Variants in ITGA1 observed in about 807,000 individuals in gnomAD.
ITGA1 encodes integrin subunit alpha 1.
A neutral mutation model predicts 145.9 loss-of-function variants in ITGA1; 85 were observed. The observed-to-expected ratio is 0.58, with a 90% CI of 0.49 to 0.70. The LOEUF is 0.70. Ranked by LOEUF, ITGA1 falls within the 30% of genes least tolerant of loss-of-function variation. ITGA1 has a pLI of 0.00. For synonymous variants in ITGA1, 520 were observed against 495.3 expected (o/e 1.05, Z -0.66); for missense variants, 1,351 against 1,418.7 (o/e 0.95, Z 0.77).
intron 1 of ITGA1, among the ~76,000 whole-genome samples, chr5:52,823,676 A>G (rs1049678479): frequency 2.0e-5 from 3 of 152,204 alleles, no homozygotes; most frequent in African/African-American, 7.2e-5. Flanking sequence ...TACTTGATCA[A>G]TGTTTAGCCT....
chr5:52,905,528 A>G (rs1029073424), intron 11 of ITGA1: 1 of 315,064 alleles, frequency 3.2e-6, no homozygotes, highest in Non-Finnish European at 5.8e-6. Flanking sequence ...ATTTTAAATA[A>G]TGAAAAACTC....
rs1046421226 is a variant in ITGA1, at chr5:52,832,331, C to G, written c.62-17034C>G. On this transcript the variant is annotated intron_variant, in intron 1 of 28. Coordinates refer to ENST00000282588, the MANE Select transcript of ITGA1 (RefSeq NM_181501.2). ...AGATGGCTCATTCAGATCTGATACTCATTCCTGGACTTGTCAGCTGTGGCC... is the reference window on the plus strand; with the variant it reads ...AGATGGCTCATTCAGATCTGATACTGATTCCTGGACTTGTCAGCTGTGGCC... Among the ~76,000 whole-genome samples the G allele has an allele frequency of 5.9e-5, 9 of 152,330 alleles. No homozygotes were observed. In the East Asian group the frequency reaches 1.5e-3, roughly 26 times the overall value.
intron 14 of ITGA1, among the ~76,000 whole-genome samples, chr5:52,914,585 G>A (rs143146504): frequency 2.2e-3 from 316 of 145,266 alleles, no homozygotes; most frequent in African/African-American, 7.3e-3. Context: ...GCAGTGAGCC[G>A]AGATAGCGTC....
chr5:52,856,847 T>C (rs547006885), intron 2 of ITGA1, among the ~76,000 whole-genome samples: 7 of 152,168 alleles, frequency 4.6e-5, no homozygotes, highest in Non-Finnish European at 1.0e-4. Flanking sequence ...ATTGAATAGG[T>C]ATTCCCCTAT....
intron 2 of ITGA1, among the ~76,000 whole-genome samples, chr5:52,857,070 C>G (rs1158092080): frequency 6.6e-6 from 1 of 152,184 alleles, no homozygotes; most frequent in Non-Finnish European, 1.5e-5. Context: ...CTTTTAAGGC[C>G]TAGCCTTAGA....
At chr5:52,883,253 A>T (rs892675619) in intron 7 of ITGA1, among the ~76,000 whole-genome samples, 2 of 152,202 alleles carry the variant, frequency 1.3e-5, no homozygotes, top group Admixed American at 1.3e-4. Context: ...GAAACCTCTG[A>T]GCCTGTAGGG....
chr5:52,899,960 GTTGA>G (rs1750288906), intron 11 of ITGA1, among the ~76,000 whole-genome samples: 1 of 152,126 alleles, frequency 6.6e-6, no homozygotes, highest in African/African-American at 2.4e-5. Context: ...CTGATTCTGG[GTTGA>G]TTAAGAAAGC....
At chr5:52,825,177 A>G (rs893024451) in intron 1 of ITGA1, 1 of 152,204 alleles carries the variant, frequency 6.6e-6, no homozygotes, top group South Asian at 2.1e-4. Flanking sequence ...TTTAAATAAT[A>G]TTTCATATAA....
At position 52,916,499 on chromosome 5, in the gene ITGA1, TAGAG is replaced by T. The variant is rs374590875; in HGVS notation, c.1988+908_1988+911del. The stretch of plus-strand genomic sequence containing the variant: ...ATAAAGTATAAAAGAAAGGTGAAGA[TAGAG>T]AGGTGAAAATAGATGACTTTGCTAT... On this transcript the variant is annotated intron_variant, in intron 15 of 28. Transcript: ENST00000282588. Among the ~76,000 whole-genome samples the T allele has an allele frequency of 2.2e-4, 34 of 152,078 alleles. 1 individual carries two copies. The South Asian group carries it at 3.5e-3, about 16-fold the overall frequency.
intron 6 of ITGA1, among the ~76,000 whole-genome samples, chr5:52,877,558 T>C (rs1003883171): frequency 2.0e-5 from 3 of 152,134 alleles, no homozygotes; most frequent in African/African-American, 7.2e-5. Context: ...GACTCAAAAG[T>C]TATTACTCCT....
At chr5:52,908,247 T>C (rs1378087227) in intron 12 of ITGA1, among the ~76,000 whole-genome samples, 1 of 152,200 alleles carries the variant, frequency 6.6e-6, no homozygotes, top group Non-Finnish European at 1.5e-5. Flanking sequence ...GCATCAAATA[T>C]TAAACATAGA....
chr5:52,869,882 T>C (rs1464963810), intron 6 of ITGA1, among the ~76,000 whole-genome samples: 1 of 152,200 alleles, frequency 6.6e-6, no homozygotes. Context: ...CATAAATAAT[T>C]CTCTAAAATG....
At chr5:52,853,400 A>T (rs1749457774) in intron 2 of ITGA1, among the ~76,000 whole-genome samples, 1 of 152,164 alleles carries the variant, frequency 6.6e-6, no homozygotes, top group African/African-American at 2.4e-5. Flanking sequence ...ATTTGGAGGA[A>T]CATGGATTTT....
Position 52,911,577 on chromosome 5 carries a change from T to TAC in ITGA1, c.1857+1159_1857+1160insCA, listed in dbSNP as rs1750535728. ...TATAGTGTATCTACTATATATACTA[T>TAC]ATATATAGTGTATCTACTATATATA... On this transcript the variant is annotated intron_variant, in intron 14 of 28. Transcript: ENST00000282588. Among the ~76,000 whole-genome samples, 12 of 33,896 alleles carry TAC rather than the reference T, an allele frequency of 3.5e-4. 1 individual carries two copies. Among genetic ancestry groups the TAC allele is most frequent in the Non-Finnish European group, 5.9e-4 (8 of 13,500 alleles). 22.2% of individuals were successfully genotyped at this position (33,896 alleles called of 152,430 possible).
intron 1 of ITGA1, among the ~76,000 whole-genome samples, chr5:52,810,288 G>C (rs1464465453): frequency 6.6e-6 from 1 of 152,226 alleles, no homozygotes. Context: ...AAGTGACAAG[G>C]AGCTAGCTGG....
intron 6 of ITGA1, among the ~76,000 whole-genome samples, chr5:52,867,542 A>G (rs16880376): frequency 0.058 from 8,774 of 152,152 alleles, 480 homozygotes; most frequent in African/African-American, 0.15. Context: ...GCATCTTAAC[A>G]GACCAACTCC....
intron 24 of ITGA1, among the ~76,000 whole-genome samples, chr5:52,938,566 T>C (rs1871185): frequency 0.77 from 116,361 of 152,052 alleles, 44,626 homozygotes; most frequent in Middle Eastern, 0.81. Flanking sequence ...AGCAGGTTTG[T>C]GAAAATCCAG....
chr5:52,802,046 C>T (rs1415335358), intron 1 of ITGA1: 3 of 490,430 alleles, frequency 6.1e-6, no homozygotes, highest in East Asian at 6.7e-5. Context: ...CCACGTACTA[C>T]CATCTTGATT....
At chr5:52,934,147 G>C (rs1466766211) in intron 23 of ITGA1, 151 bp downstream of exon 23, 4 of 225,080 alleles carry the variant, frequency 1.8e-5, no homozygotes, top group Non-Finnish European at 2.7e-5. Context: ...TATAAATATA[G>C]ACATATAATA....
Sources: gnomAD v4.1 joint callset for allele counts (sites outside exome capture counted in the v4.1 genomes callset) on GRCh38, gnomAD v4.1.1 for gene constraint, MANE v1.5 for transcripts, NCBI Gene and HGNC (gene_info 2026-07-23, HGNC 2026-07-21) for gene names.